Variants in NR1H4 observed in about 807,000 individuals in gnomAD.
NR1H4 encodes bile acid receptor.
Under a neutral mutation model 58.5 loss-of-function variants are expected in NR1H4, and 23 were observed. The observed-to-expected ratio is 0.39, with a 90% CI of 0.28 to 0.56. NR1H4 has a LOEUF of 0.56. Among genes scored for constraint, NR1H4 ranks in the 20% least tolerant of loss-of-function variants. The pLI is 0.58. For missense variants in NR1H4, 487 were observed against 576.9 expected (o/e 0.84, Z 1.60); for synonymous variants, 214 against 198.0 (o/e 1.08, Z -0.68).
intron 3 of NR1H4, chr12:100,503,579 A>C: frequency 7.4e-7 from 1 of 1,346,012 alleles, no homozygotes; most frequent in Non-Finnish European, 9.9e-7. Context: ...TGGAGATGAC[A>C]GTAACAGATG....
At chr12:100,534,531 A>T (rs965604185) in intron 5 of NR1H4, among the ~76,000 whole-genome samples, 1 of 152,184 alleles carries the variant, frequency 6.6e-6, no homozygotes, top group Non-Finnish European at 1.5e-5. Context: ...CATTGACTGA[A>T]TCCCTTGCAT....
intron 9 of NR1H4, among the ~76,000 whole-genome samples, chr12:100,555,636 C>A: frequency 6.6e-6 from 1 of 152,078 alleles, no homozygotes; most frequent in Non-Finnish European, 1.5e-5. Context: ...TTACTATGAA[C>A]CTGGAATTGT....
intron 9 of NR1H4, among the ~76,000 whole-genome samples, chr12:100,545,604 T>C (rs1164247483): frequency 7.7e-6 from 1 of 130,536 alleles, no homozygotes; most frequent in South Asian, 2.4e-4. Context: ...ATTGTGCCAC[T>C]GTACTCCAGC....
rs1954781990 is a variant in NR1H4 at position 100,534,986 on chromosome 12, A to C, written c.695A>C (p.Asp232Ala). The C allele has an allele frequency of 1.2e-6, 2 of 1,614,112 alleles. No individual in the cohort carries two copies. The highest frequency in any genetic ancestry group is 1.7e-6 in the Non-Finnish European group (2 of 1,180,042). Residue 232 changes from aspartate (D) to alanine (A), a missense_variant, in exon 6 of 11, where the codon GAC becomes GCC. Coordinates refer to ENST00000392986, the MANE Select transcript of NR1H4 (RefSeq NM_001206979.2). Reference sequence around the variant, plus strand: ...GTGAATGAAGACAGTGAAGGTCGTGACTTGCGACAAGTGACCTCGACAACA... The same window carrying C: ...GTGAATGAAGACAGTGAAGGTCGTGCCTTGCGACAAGTGACCTCGACAACA... ...QTVNEDSEGR[D>A]LRQVTSTTKS...
intron 9 of NR1H4, 60 bp downstream of exon 9, chr12:100,540,878 A>C: frequency 6.5e-7 from 1 of 1,549,654 alleles, no homozygotes; most frequent in African/African-American, 1.4e-5. Context: ...GGTGTGCTTC[A>C]TGAGGGTGGG....
intron 1 of NR1H4, among the ~76,000 whole-genome samples, chr12:100,479,569 G>A (rs946329533): frequency 6.6e-6 from 1 of 152,134 alleles, no homozygotes; most frequent in Non-Finnish European, 1.5e-5. Context: ...CATTTTCCTA[G>A]CCTAATGCCT....
chr12:100,563,195 G>C, intron 10 of NR1H4, 56 bp from the exon 11 acceptor site: 1 of 1,326,362 alleles, frequency 7.5e-7, no homozygotes. Context: ...TAATTATGCT[G>C]AATTAATGCT....
rs2136333531 is a variant in NR1H4 at position 100,563,585 on chromosome 12, A to G, written c.*96A>G. 6 of 947,182 alleles carry G rather than the reference A, an allele frequency of 6.3e-6. No individual in the cohort carries two copies. The highest frequency in any genetic ancestry group is 2.4e-4 in the Middle Eastern group (1 of 4,174). The allele number at this position is 947,182 out of a possible 1,614,324, so 58.7% of individuals were successfully genotyped here. ...TTTCACTTGTACCCAGTTTCACTCA[A>G]GAAATCTTGATGAATATTTATGTTG... On this transcript the variant is annotated 3_prime_UTR_variant, in exon 11 of 11. Coordinates refer to ENST00000392986, the MANE Select transcript of NR1H4 (RefSeq NM_001206979.2).
At chr12:100,551,771 T>C (rs926814373) in intron 9 of NR1H4, among the ~76,000 whole-genome samples, 8 of 152,214 alleles carry the variant, frequency 5.3e-5, no homozygotes, top group African/African-American at 1.9e-4. Context: ...CACAGAGGAT[T>C]GGTTCTAAGA....
At chr12:100,517,989 T>G (rs1954309918) in intron 4 of NR1H4, among the ~76,000 whole-genome samples, 1 of 152,246 alleles carries the variant, frequency 6.6e-6, no homozygotes, top group African/African-American at 2.4e-5. Flanking sequence ...AAGGGTAATA[T>G]TGACTAATTC....
chr12:100,557,936 G>A (rs1217591442), intron 9 of NR1H4, among the ~76,000 whole-genome samples: 1 of 152,076 alleles, frequency 6.6e-6, no homozygotes, highest in Non-Finnish European at 1.5e-5. Context: ...TCACATCACA[G>A]GTTTTTGTGT....
chr12:100,492,947 T>A (rs1220176825), intron 2 of NR1H4, among the ~76,000 whole-genome samples: 1 of 152,136 alleles, frequency 6.6e-6, no homozygotes, highest in Non-Finnish European at 1.5e-5. Flanking sequence ...TATTTGTTTT[T>A]TTTTCTAATA....
At chr12:100,523,198 A>G (rs1049148036) in intron 4 of NR1H4, among the ~76,000 whole-genome samples, 17 of 152,174 alleles carry the variant, frequency 1.1e-4, no homozygotes, top group African/African-American at 3.4e-4. Flanking sequence ...CCCTTTCACT[A>G]CATCCACACC....
chr12:100,502,007 C>T (rs1953846480), intron 3 of NR1H4, among the ~76,000 whole-genome samples: 1 of 152,166 alleles, frequency 6.6e-6, no homozygotes, highest in Admixed American at 6.5e-5. Context: ...AGAATTATTC[C>T]TATTCAATAA....
intron 9 of NR1H4, among the ~76,000 whole-genome samples, chr12:100,551,463 A>T (rs1955200858): frequency 1.3e-5 from 2 of 152,234 alleles, no homozygotes; most frequent in South Asian, 4.1e-4. Flanking sequence ...TAAAGAAACA[A>T]ATGATAGACT....
chr12:100,476,924 T>C (rs550442430), intron 1 of NR1H4, among the ~76,000 whole-genome samples: 1 of 152,232 alleles, frequency 6.6e-6, no homozygotes, highest in South Asian at 2.1e-4. Context: ...GGAACAATTT[T>C]CCTCCCAGGT....
chr12:100,563,391 C>T lies in NR1H4; in HGVS notation c.1333C>T (p.Arg445Trp). ...TCTCCTGGGTCGCCTGACTGAATTA[C>T]GGACATTCAATCATCACCACGCTGA... ...ACLLGRLTEL[R>W]TFNHHHAEML... The change falls in exon 11 of 11, where the codon CGG (arginine) becomes TGG (tryptophan). Residue 445 changes from arginine (R) to tryptophan (W), a missense_variant. By Grantham distance (101) the Arg-to-Trp change is moderately radical (BLOSUM62 -3). Transcript: ENST00000392986. 1 of 1,614,070 alleles carries T rather than the reference C, an allele frequency of 6.2e-7. No individual in the cohort carries two copies. Among genetic ancestry groups the T allele is most frequent in the Non-Finnish European group, 8.5e-7 (1 of 1,180,006 alleles).
At chr12:100,534,513 C>T (rs1287780711) in intron 5 of NR1H4, among the ~76,000 whole-genome samples, 2 of 152,190 alleles carry the variant, frequency 1.3e-5, no homozygotes, top group Admixed American at 6.5e-5. Context: ...GAGTGTCATT[C>T]ACCTTTTCAT....
chr12:100,556,051 G>T (rs1431202062), intron 9 of NR1H4, among the ~76,000 whole-genome samples: 1 of 152,142 alleles, frequency 6.6e-6, no homozygotes, highest in Non-Finnish European at 1.5e-5. Flanking sequence ...GGGAGCAGAG[G>T]GTGGTATTTT....
Sources: allele counts gnomAD v4.1 joint callset (sites outside exome capture counted in the v4.1 genomes callset), GRCh38; gene constraint gnomAD v4.1.1; transcripts MANE v1.5; gene names NCBI Gene and HGNC (gene_info 2026-07-23, HGNC 2026-07-21).